Variants in PPFIBP2 observed in about 807,000 individuals in gnomAD.
PPFIBP2 encodes the protein PPFIB scaffold protein 2.
In PPFIBP2, 118 loss-of-function variants were observed where a neutral mutation model predicts 118.3. The ratio of observed to expected loss-of-function variants is 1.00; its 90% CI spans 0.86 to 1.16. The LOEUF (loss-of-function observed/expected upper bound fraction) is 1.16. Among genes scored for constraint, PPFIBP2 ranks in the 50% most tolerant of loss-of-function variants. The pLI is 0.00. For synonymous variants in PPFIBP2, 414 were observed against 397.4 expected, an observed-to-expected ratio of 1.04 and a Z score of -0.50; for missense variants, 1,195 against 1,073.1, an observed-to-expected ratio of 1.11 and a Z score of -1.59.
At chr11:7,605,076 G>A (rs1302345528) in intron 5 of PPFIBP2, among the ~76,000 whole-genome samples, 5 of 152,232 alleles carry the variant, frequency 3.3e-5, no homozygotes, top group Non-Finnish European at 2.9e-5. Context: ...TGTATCCTTT[G>A]ATGGGTACTT....
chr11:7,633,469 G>A (rs887554273), intron 12 of PPFIBP2, among the ~76,000 whole-genome samples: 1 of 152,164 alleles, frequency 6.6e-6, no homozygotes, highest in Non-Finnish European at 1.5e-5. Context: ...AGTTCCCTAT[G>A]TCCGTACTTC....
intron 3 of PPFIBP2, among the ~76,000 whole-genome samples, chr11:7,585,894 G>C (rs1365400986): frequency 3.3e-5 from 5 of 152,168 alleles, no homozygotes; most frequent in Non-Finnish European, 7.3e-5. Context: ...GTTTATGATT[G>C]GTTATTACTA....
chr11:7,521,367 G>A (rs193031172), intron 1 of PPFIBP2, among the ~76,000 whole-genome samples: 1 of 152,290 alleles, frequency 6.6e-6, no homozygotes, highest in South Asian at 2.1e-4. Flanking sequence ...CTCTACAGTG[G>A]TGGGCCCTAC....
At chr11:7,561,321 C>T (rs1854276672) in intron 2 of PPFIBP2, among the ~76,000 whole-genome samples, 1 of 152,212 alleles carries the variant, frequency 6.6e-6, no homozygotes, top group Non-Finnish European at 1.5e-5. Flanking sequence ...CTGCCTCGGC[C>T]TCCCAAAGTA....
intron 16 of PPFIBP2, chr11:7,641,966 T>A (rs1852257965): frequency 5.1e-6 from 2 of 389,370 alleles, no homozygotes; most frequent in Non-Finnish European, 9.2e-6. Flanking sequence ...TTTTAAGAAA[T>A]CTTTGAAAAA....
chr11:7,582,278 A>G (rs769157769), intron 3 of PPFIBP2, among the ~76,000 whole-genome samples: 1 of 152,178 alleles, frequency 6.6e-6, no homozygotes. Flanking sequence ...AGGTTTTTCA[A>G]TCCTATGGGA....
At chr11:7,549,718 ACT>A (rs1852749362) in intron 2 of PPFIBP2, among the ~76,000 whole-genome samples, 179 bp downstream of exon 2, 6 of 150,880 alleles carry the variant, frequency 4.0e-5, no homozygotes, top group South Asian at 2.1e-4. Flanking sequence ...AACTTATACA[ACT>A]CTCTGATGTC....
intron 1 of PPFIBP2, among the ~76,000 whole-genome samples, chr11:7,544,919 C>T (rs1852176507): frequency 6.6e-6 from 1 of 152,020 alleles, no homozygotes; most frequent in South Asian, 2.1e-4. Context: ...GCTTGGTGCA[C>T]TTAAGCCCCA....
intron 3 of PPFIBP2, among the ~76,000 whole-genome samples, chr11:7,591,640 T>C (rs1159143771): frequency 6.6e-6 from 1 of 152,074 alleles, no homozygotes; most frequent in Non-Finnish European, 1.5e-5. Context: ...TGAAAGAGCT[T>C]CCATAACAAT....
intron 2 of PPFIBP2, among the ~76,000 whole-genome samples, chr11:7,560,512 TATTC>T (rs1198873858): frequency 6.6e-6 from 1 of 152,146 alleles, no homozygotes; most frequent in Non-Finnish European, 1.5e-5. Context: ...ATATGAATCA[TATTC>T]TTTCTTTCAG....
intron 3 of PPFIBP2, among the ~76,000 whole-genome samples, chr11:7,580,205 T>G (rs1211888792): frequency 2.0e-5 from 3 of 152,174 alleles, no homozygotes; most frequent in African/African-American, 7.2e-5. Context: ...TCTCATCCAC[T>G]TCAACTGACT....
At chr11:7,651,275 G>A (rs7950400) in intron 22 of PPFIBP2, 14,548 of 326,246 alleles carry the variant, frequency 0.045, 1,395 homozygotes, top group African/African-American at 0.24. Context: ...CGGGGAAGCC[G>A]TAAAAATGCA....
intron 14 of PPFIBP2, among the ~76,000 whole-genome samples, chr11:7,637,959 G>C (rs1221063831): frequency 6.6e-6 from 1 of 152,196 alleles, no homozygotes; most frequent in Non-Finnish European, 1.5e-5. Flanking sequence ...CCTTGAGGGA[G>C]CATGCGTGAT....
chr11:7,622,701 T>C (rs1336551806), intron 7 of PPFIBP2, among the ~76,000 whole-genome samples: 1 of 152,206 alleles, frequency 6.6e-6, no homozygotes, highest in Non-Finnish European at 1.5e-5. Flanking sequence ...TGTCCTGGCC[T>C]GTGTGTATCT....
intron 17 of PPFIBP2, among the ~76,000 whole-genome samples, chr11:7,645,581 T>C (rs1010323162): frequency 6.6e-6 from 1 of 152,140 alleles, no homozygotes; most frequent in Non-Finnish European, 1.5e-5. Flanking sequence ...TGGCTGAGGA[T>C]ATGGGAGATG....
the PPFIBP2 span, chr11:7,665,740 C>G: frequency 7.9e-7 from 1 of 1,272,784 alleles, no homozygotes; most frequent in African/African-American, 1.5e-5. Flanking sequence ...CACCCCAGGT[C>G]CCAGGCTCAC....
At chr11:7,626,738 C>T (rs948414749) in intron 8 of PPFIBP2, among the ~76,000 whole-genome samples, 1 of 152,236 alleles carries the variant, frequency 6.6e-6, no homozygotes, top group African/African-American at 2.4e-5. Context: ...TGATCATACA[C>T]CTTTCAACTT....
At chr11:7,594,916 C>CAAAAAAAAAA (rs58084975) in intron 4 of PPFIBP2, among the ~76,000 whole-genome samples, 4 of 64,040 alleles carry the variant, frequency 6.2e-5, no homozygotes, top group Non-Finnish European at 9.2e-5. Flanking sequence ...GACTCCATCT[C>CAAAAAAAAAA]AAAAAAAAAA....
chr11:7,583,063 G>A (rs1286808477), intron 3 of PPFIBP2, among the ~76,000 whole-genome samples: 1 of 152,108 alleles, frequency 6.6e-6, no homozygotes, highest in Non-Finnish European at 1.5e-5. Context: ...AAGATTCTTG[G>A]TGAGTTGTTA....
Sources: allele counts gnomAD v4.1 joint callset (sites outside exome capture counted in the v4.1 genomes callset), GRCh38; gene constraint gnomAD v4.1.1; transcripts MANE v1.5; gene names NCBI Gene and HGNC (gene_info 2026-07-23, HGNC 2026-07-21).